Variants in EXT2 observed in about 807,000 individuals in gnomAD.
The protein encoded by EXT2 is exostosin-2.
In EXT2, 53 loss-of-function variants were observed where a neutral mutation model predicts 81.6. That is an observed-to-expected ratio of 0.65 (90% CI 0.52 to 0.82). The LOEUF (loss-of-function observed/expected upper bound fraction) is 0.82, where lower values mean the gene tolerates loss of function less well. EXT2 is among the 40% of genes least tolerant of loss of function. The pLI, the probability that EXT2 is intolerant of heterozygous loss-of-function variation, is 0.00. For synonymous variants in EXT2, 320 were observed against 340.0 expected, an observed-to-expected ratio of 0.94 and a Z score of 0.65; for missense variants, 774 against 910.2, an observed-to-expected ratio of 0.85 and a Z score of 1.93.
chr11:44,193,636 T>C (rs1955420664), intron 8 of EXT2, among the ~76,000 whole-genome samples: 1 of 152,212 alleles, frequency 6.6e-6, no homozygotes, highest in South Asian at 2.1e-4. Context: ...ACCCTGGTGG[T>C]GTGTTCTACA....
At chr11:44,159,717 C>T (rs937122217) in intron 7 of EXT2, among the ~76,000 whole-genome samples, 1 of 152,116 alleles carries the variant, frequency 6.6e-6, no homozygotes, top group Non-Finnish European at 1.5e-5. Flanking sequence ...TGTTGAAGTA[C>T]TGGGTGAAAG....
rs1590677849 is a variant in EXT2 at position 44,246,112 on chromosome 11, T to C, written c.*1825T>C. ...ATGGTAGAAAGCCAGGAAAAATATT[T>C]CTGTTGTCACCCAGGTACCAGAGGC... On this transcript the variant is annotated 3_prime_UTR_variant, in exon 14 of 14. Transcript: ENST00000533608. 6.6e-6 allele frequency among the ~76,000 whole-genome samples: 1 copy of C among 152,184 alleles called. No individual in the cohort carries two copies. The highest frequency in any genetic ancestry group is 1.5e-5 in the Non-Finnish European group (1 of 68,034).
At chr11:44,119,843 C>T (rs1288599753) in intron 4 of EXT2, among the ~76,000 whole-genome samples, 1 of 152,184 alleles carries the variant, frequency 6.6e-6, no homozygotes, top group East Asian at 1.9e-4. Context: ...GTTGAGAAAC[C>T]CTGGGTGAGG....
intron 7 of EXT2, among the ~76,000 whole-genome samples, chr11:44,158,851 G>A (rs1954891168): frequency 6.6e-6 from 1 of 151,700 alleles, no homozygotes; most frequent in Non-Finnish European, 1.5e-5. Context: ...ATTTTGCAGG[G>A]TACAGAATTC....
rs943765745 is a variant in EXT2 at position 44,250,463 on chromosome 11, A to T, written c.*6176A>T. The stretch of plus-strand genomic sequence containing the variant: ...TCCCCTTTTATTAACCAGATCGTTT[A>T]CCAGATTGTACCTGGTGATGCTGGC... On this transcript the variant is annotated 3_prime_UTR_variant, in exon 14 of 14. Transcript: ENST00000533608. 6.6e-6 allele frequency among the ~76,000 whole-genome samples: 1 copy of T among 152,120 alleles called. No individual in the cohort carries two copies. The highest frequency in any genetic ancestry group is 2.4e-5 in the African/African-American group (1 of 41,422).
chr11:44,122,385 C>T (rs1024383656), intron 4 of EXT2, among the ~76,000 whole-genome samples: 32 of 152,188 alleles, frequency 2.1e-4, no homozygotes, highest in East Asian at 1.9e-4. Flanking sequence ...TAAACAGGTA[C>T]GTTTGATTAT....
chr11:44,119,124 T>TTA (rs200249806), intron 4 of EXT2, among the ~76,000 whole-genome samples: 428 of 25,484 alleles, frequency 0.017, 4 homozygotes, highest in Non-Finnish European at 0.02. Context: ...ATTTGGCTAT[T>TTA]TATATATATA....
At chr11:44,110,299 T>A (rs1954124547) in intron 3 of EXT2, among the ~76,000 whole-genome samples, 1 of 152,218 alleles carries the variant, frequency 6.6e-6, no homozygotes, top group African/African-American at 2.4e-5. Flanking sequence ...TAAAGTCAGT[T>A]TTGAGTTTCT....
intron 9 of EXT2, among the ~76,000 whole-genome samples, 200 bp from the exon 10 acceptor site, chr11:44,206,593 G>A (rs1039575660): frequency 3.3e-5 from 5 of 150,478 alleles, no homozygotes; most frequent in African/African-American, 1.3e-4. Context: ...TTGTATATAT[G>A]TGTACGTGCA....
At chr11:44,110,505 T>G (rs1954128046) in intron 3 of EXT2, among the ~76,000 whole-genome samples, 1 of 152,108 alleles carries the variant, frequency 6.6e-6, no homozygotes, top group Non-Finnish European at 1.5e-5. Flanking sequence ...GGCTACTGTT[T>G]TATGGATTTG....
At chr11:44,202,772 A>G (rs1034909621) in intron 9 of EXT2, among the ~76,000 whole-genome samples, 1 of 152,220 alleles carries the variant, frequency 6.6e-6, no homozygotes, top group Non-Finnish European at 1.5e-5. Flanking sequence ...AGATGGTGTC[A>G]TTGTTATTCC....
intron 7 of EXT2, among the ~76,000 whole-genome samples, chr11:44,154,606 A>G (rs1238680538): frequency 1.3e-5 from 2 of 152,142 alleles, no homozygotes; most frequent in African/African-American, 4.8e-5. Context: ...GCATGGGAGT[A>G]TAGATACCTC....
intron 7 of EXT2, among the ~76,000 whole-genome samples, chr11:44,141,049 A>T (rs1954638649): frequency 6.6e-6 from 1 of 152,320 alleles, no homozygotes; most frequent in African/African-American, 2.4e-5. Context: ...GGAAGAGTAC[A>T]GTCATCCCTC....
chr11:44,222,708 A>T (rs1293853950), intron 10 of EXT2, among the ~76,000 whole-genome samples: 1 of 151,954 alleles, frequency 6.6e-6, no homozygotes, highest in East Asian at 1.9e-4. Flanking sequence ...AAGTCTTCAG[A>T]CTCTAGGGCT....
chr11:44,198,168 TG>T (rs1228841551), intron 9 of EXT2, 150 bp downstream of exon 9: 13 of 818,770 alleles, frequency 1.6e-5, no homozygotes, highest in Middle Eastern at 3.3e-4. Flanking sequence ...ATCTCATTCT[TG>T]TTCTAGGGTG....
chr11:44,114,262 C>T lies in EXT2; in HGVS notation c.704C>T (p.Pro235Leu), dbSNP rs1954189339. 1 of 1,614,096 alleles carries T rather than the reference C, an allele frequency of 6.2e-7. No homozygotes were observed. Among genetic ancestry groups the T allele is most frequent in the African/African-American group, 1.3e-5 (1 of 75,038 alleles). The change falls in exon 4 of 14, where the codon CCA becomes CTA. Residue 235 changes from proline (P) to leucine (L), a missense_variant. Around this residue, in one of 2 missense-constraint regions of EXT2, gnomAD observed 626 missense variants for 670.5 expected, o/e 0.93. Coordinates refer to ENST00000533608, the MANE Select transcript of EXT2 (RefSeq NM_207122.2). Reference protein sequence around the residue: ...GYDVSIPVYSPLSAEVDLPEK... With the variant: ...GYDVSIPVYSLLSAEVDLPEK... ...GATGTCAGCATTCCTGTCTATAGTCCACTGTCAGCTGAGGTGGATCTTCCA... is the reference window on the plus strand; with the variant it reads ...GATGTCAGCATTCCTGTCTATAGTCTACTGTCAGCTGAGGTGGATCTTCCA...
chr11:44,144,389 C>G (rs1565210780), intron 7 of EXT2: 2 of 1,476,788 alleles, frequency 1.4e-6, no homozygotes, highest in East Asian at 2.3e-5. Flanking sequence ...TCTCTAGTCT[C>G]TTTGCTGAGA....
chr11:44,103,713 T>C (rs1954017142), intron 1 of EXT2: 1 of 421,556 alleles, frequency 2.4e-6, no homozygotes, highest in South Asian at 1.9e-5. Context: ...ATAGAGCTAC[T>C]CAGAGTTGCT....
At position 44,226,552 on chromosome 11, in the gene EXT2, G is replaced by A. The variant is rs1590662204; in HGVS notation, c.1663-5801G>A. On this transcript the variant is annotated intron_variant, in intron 10 of 13. Coordinates refer to ENST00000533608, the MANE Select transcript of EXT2 (RefSeq NM_207122.2). ...AAAGCATAAGCTGAAAATGAAGGCA[G>A]TCAGTCCCTCCATTCCACTTCATTT... Among the ~76,000 whole-genome samples the A allele has an allele frequency of 3.9e-5, 6 of 152,300 alleles. No individual in the cohort carries two copies. The South Asian group carries it at 1.2e-3, about 32-fold the overall frequency.
Sources: allele counts gnomAD v4.1 joint callset (sites outside exome capture counted in the v4.1 genomes callset), GRCh38; gene constraint gnomAD v4.1.1; regional missense constraint gnomAD v4.1.1; transcripts MANE v1.5; gene names NCBI Gene and HGNC (gene_info 2026-07-23, HGNC 2026-07-21).